GALNT2: variants seen among roughly 807,000 people sequenced by gnomAD.
GALNT2 encodes polypeptide N-acetylgalactosaminyltransferase 2.
In GALNT2, 31 loss-of-function variants were observed where a neutral mutation model predicts 81.4. The ratio of observed to expected loss-of-function variants is 0.38; its 90% CI spans 0.29 to 0.51. The LOEUF is 0.51. GALNT2 is among the 20% of genes least tolerant of loss of function. The probability of loss-of-function intolerance (pLI) is 0.87; values close to 1 mark genes in which losing one functional copy is unlikely to be tolerated. For missense variants in GALNT2, 629 were observed against 765.7 expected, an observed-to-expected ratio of 0.82 and a Z score of 2.11; for synonymous variants, 303 against 287.4, an observed-to-expected ratio of 1.05 and a Z score of -0.55.
At chr1:230,094,346 C>CG (rs201770501) in intron 1 of GALNT2, among the ~76,000 whole-genome samples, 1 of 130 alleles carries the variant, frequency 7.7e-3, no homozygotes, top group African/African-American at 0.031. Flanking sequence ...TGCTTTCGGC[C>CG]GGGGTGGCAG....
intron 6 of GALNT2, among the ~76,000 whole-genome samples, chr1:230,240,272 CAATT>C (rs756866701): frequency 2.6e-5 from 4 of 152,132 alleles, no homozygotes; most frequent in Non-Finnish European, 4.4e-5. Flanking sequence ...TCTGAGTTGA[CAATT>C]AATTTTTCTT....
chr1:230,226,641 G>T (rs978176696), intron 3 of GALNT2, among the ~76,000 whole-genome samples: 3 of 152,218 alleles, frequency 2.0e-5, no homozygotes, highest in Non-Finnish European at 4.4e-5. Context: ...TGCGGAGGCA[G>T]GTGCCTTGAC....
intron 1 of GALNT2, among the ~76,000 whole-genome samples, chr1:230,060,840 G>T (rs78183699): frequency 0.031 from 4,671 of 152,178 alleles, 209 homozygotes; most frequent in African/African-American, 0.094. Flanking sequence ...ATGCATATAT[G>T]GTCTTAGATT....
In GALNT2 at chr1:230,067,370, G is replaced by A; in HGVS notation, c.90G>A (p.Ala30=). Residue 30 remains alanine (A), a synonymous_variant, in exon 1 of 16, where the codon GCG becomes GCA. Transcript: ENST00000366672. ...ACATGTACTCGGGGGGCGGCTCTGCGCTGGCCGGGGGCGCGGGCGGCGGCG... is the reference window on the plus strand; with the variant it reads ...ACATGTACTCGGGGGGCGGCTCTGCACTGGCCGGGGGCGCGGGCGGCGGCG... ...AYYMYSGGGS[A]LAGGAGGGAG... 1.5e-6 allele frequency: 2 copies of A among 1,327,440 alleles called. No individual in the cohort carries two copies. Among genetic ancestry groups the A allele is most frequent in the Non-Finnish European group, 1.9e-6 (2 of 1,030,208 alleles). The allele number at this position is 1,327,440 out of a possible 1,614,324, so 82.2% of individuals were successfully genotyped here.
intron 1 of GALNT2, among the ~76,000 whole-genome samples, chr1:230,151,759 G>A (rs537164102): frequency 9.5e-5 from 12 of 126,556 alleles, no homozygotes; most frequent in African/African-American, 3.7e-4. Flanking sequence ...TTCAGAGCAA[G>A]TCCGTAGTGC....
At chr1:230,246,341 T>G (rs1217769696) in intron 8 of GALNT2, among the ~76,000 whole-genome samples, 191 bp downstream of exon 8, 1 of 152,212 alleles carries the variant, frequency 6.6e-6, no homozygotes, top group African/African-American at 2.4e-5. Flanking sequence ...CTTGCTCCCT[T>G]AAAGAGCTTC....
chr1:230,132,919 T>G (rs2102815028), intron 1 of GALNT2, among the ~76,000 whole-genome samples: 1 of 152,292 alleles, frequency 6.6e-6, no homozygotes, highest in African/African-American at 2.4e-5. Context: ...GCATATTAAT[T>G]ATAAAAATAC....
chr1:230,259,177 A>G (rs545714378), intron 11 of GALNT2: 1 of 152,334 alleles, frequency 6.6e-6, no homozygotes, highest in South Asian at 2.1e-4. Context: ...CAGGTTGAAT[A>G]TCTTTTATCC....
chr1:230,075,519 C>T (rs576539638), intron 1 of GALNT2, among the ~76,000 whole-genome samples: 11 of 152,336 alleles, frequency 7.2e-5, no homozygotes, highest in East Asian at 3.9e-4. Flanking sequence ...GCTGCCCCTC[C>T]GGAAGGAGCA....
At position 230,176,864 on chromosome 1, in the gene GALNT2, CT is replaced by C. The variant is rs1281222851; in HGVS notation, c.127-1352del. Among the ~76,000 whole-genome samples the C allele has an allele frequency of 2.0e-5, 3 of 152,146 alleles. No homozygotes were observed. In the East Asian group the frequency reaches 5.8e-4, roughly 29 times the overall value. Reference sequence around the variant, plus strand: ...AAGACTTGCAAAAGTACATGGGGCACTTAAAGGCCAGGAAGGTGTTCTGCTG... The same window carrying C: ...AAGACTTGCAAAAGTACATGGGGCACTAAAGGCCAGGAAGGTGTTCTGCTG... On this transcript the variant is annotated intron_variant, in intron 1 of 15. Coordinates refer to ENST00000366672, the MANE Select transcript of GALNT2 (RefSeq NM_004481.5).
In GALNT2 at chr1:230,188,348, C is replaced by G. The variant is rs73114004; in HGVS notation, c.220+10037C>G. 7.1e-3 allele frequency among the ~76,000 whole-genome samples: 1,087 copies of G among 152,260 alleles called. 15 individuals carry two copies. Among genetic ancestry groups the G allele is most frequent in the African/African-American group, 0.023 (954 of 41,522 alleles). On this transcript the variant is annotated intron_variant, in intron 2 of 15. Coordinates refer to ENST00000366672, the MANE Select transcript of GALNT2 (RefSeq NM_004481.5). ...TAAAGTATACCACCCAAGTGGCAGT[C>G]CCAGCTGGAAGTCATGGAATGGGGG...
chr1:230,243,256 T>A lies in GALNT2; in HGVS notation c.608-50T>A. On this transcript the variant is annotated intron_variant, in intron 6 of 15. Coordinates refer to ENST00000366672, the MANE Select transcript of GALNT2 (RefSeq NM_004481.5). This position sits in a 1 kb window ranked among gnomAD's most constrained non-coding sequence, Gnocchi z 4.2. ...GTCGCCGGTTGGCATGGGGTTGTGC[T>A]GGCCCTGTGGCTTCTCTCTCCTGAC... The A allele has an allele frequency of 6.4e-7, 1 of 1,553,714 alleles. No homozygotes were observed. The highest frequency in any genetic ancestry group is 8.7e-7 in the Non-Finnish European group (1 of 1,151,550).
In GALNT2 at chr1:230,281,308, T is replaced by G. The variant is rs1352217574; in HGVS notation, c.*1850T>G. 6.6e-6 allele frequency: 1 copy of G among 152,070 alleles called. No individual in the cohort carries two copies. The highest frequency in any genetic ancestry group is 2.4e-5 in the African/African-American group (1 of 41,330). The allele number at this position is 152,070 out of a possible 1,614,324, so 9.4% of individuals were successfully genotyped here. On this transcript the variant is annotated 3_prime_UTR_variant, in exon 16 of 16. Transcript: ENST00000366672. ...CTCCCCTGCCATGCAACCAGATGTG[T>G]TGTGAGTGGGCAGCGTGCCCCCACG...
chr1:230,258,471 C>A (rs892149494), intron 11 of GALNT2, among the ~76,000 whole-genome samples: 4 of 151,824 alleles, frequency 2.6e-5, no homozygotes, highest in African/African-American at 7.3e-5. Context: ...GTGATCCACC[C>A]GCCTCAGCCT....
intron 1 of GALNT2, among the ~76,000 whole-genome samples, chr1:230,075,156 C>T (rs1487572159): frequency 2.4e-5 from 3 of 123,276 alleles, no homozygotes; most frequent in African/African-American, 6.3e-5. Context: ...GACAAAGTCT[C>T]ACTCTGTCGC....
intron 1 of GALNT2, among the ~76,000 whole-genome samples, chr1:230,175,849 T>C (rs909560418): frequency 2.0e-5 from 3 of 151,912 alleles, no homozygotes; most frequent in Admixed American, 6.6e-5. Flanking sequence ...CAGGCTCTTA[T>C]AATTTAGTTT....
Position 230,067,302 on chromosome 1 carries a change from C to A in GALNT2, c.22C>A (p.Leu8Met). The A allele has an allele frequency of 1.5e-6, 2 of 1,371,990 alleles. No homozygotes were observed. The highest frequency in any genetic ancestry group is 3.2e-5 in the South Asian group (2 of 62,792). 85.0% of individuals were successfully genotyped at this position (1,371,990 alleles called of 1,614,324 possible). A position where few individuals can be genotyped will look rare whatever the true frequency, so the allele number is the denominator to read the frequency against. The part of the protein sequence containing the change: MRRRSRM[L>M]LCFAFLWVLG... ...GAGAATGCGGCGGCGCTCGCGGATG[C>A]TGCTCTGCTTCGCCTTCCTGTGGGT... Residue 8 changes from leucine to methionine, a missense_variant, in exon 1 of 16, where the codon CTG becomes ATG. Transcript: ENST00000366672.
rs114483411 is a variant in GALNT2 at position 230,176,031 on chromosome 1, G to A, written c.127-2187G>A. On this transcript the variant is annotated intron_variant, in intron 1 of 15. Coordinates refer to ENST00000366672, the MANE Select transcript of GALNT2 (RefSeq NM_004481.5). ...AGAGGGTCAATGCACAATGCTTGGCGCATAGTAGGTATTCGTAAATGGCAG... is the reference window on the plus strand; with the variant it reads ...AGAGGGTCAATGCACAATGCTTGGCACATAGTAGGTATTCGTAAATGGCAG... 1.5e-3 allele frequency among the ~76,000 whole-genome samples: 228 copies of A among 152,176 alleles called. 1 individual carries two copies. The highest frequency in any genetic ancestry group is 5.3e-3 in the African/African-American group (221 of 41,518).
chr1:230,197,126 G>T (rs1218264463), intron 2 of GALNT2, among the ~76,000 whole-genome samples: 1 of 151,982 alleles, frequency 6.6e-6, no homozygotes, highest in Non-Finnish European at 1.5e-5. Flanking sequence ...ACCTGACATG[G>T]GACCTGTCTC....
Sources: allele counts gnomAD v4.1 joint callset (sites outside exome capture counted in the v4.1 genomes callset), GRCh38; gene constraint gnomAD v4.1.1; non-coding constraint Gnocchi (gnomAD v3.1); transcripts MANE v1.5; gene names NCBI Gene and HGNC (gene_info 2026-07-23, HGNC 2026-07-21).